ALDH9A1: variants seen among roughly 807,000 people sequenced by gnomAD.
The protein encoded by ALDH9A1 is aldehyde dehydrogenase 9 family member A1.
ALDH9A1 carries 42 observed loss-of-function variants against 56.6 expected under a neutral mutation model. That is an observed-to-expected ratio of 0.74 (90% confidence interval 0.58 to 0.96). ALDH9A1 has a LOEUF of 0.96. ALDH9A1 is among the 40% of genes least tolerant of loss of function. ALDH9A1 has a pLI of 0.00. For synonymous variants in ALDH9A1, 242 were observed against 236.0 expected (o/e 1.03, Z -0.23); for missense variants, 661 against 651.5 (o/e 1.01, Z -0.16).
chr1:165,665,724 A>G (rs1475220518), intron 9 of ALDH9A1, among the ~76,000 whole-genome samples: 1 of 152,220 alleles, frequency 6.6e-6, no homozygotes, highest in East Asian at 1.9e-4. Context: ...CTTCACACCC[A>G]CAAGGATGGC....
intron 8 of ALDH9A1, 121 bp downstream of exon 8, chr1:165,668,802 GGTA>G (rs1649084146): frequency 1.4e-6 from 1 of 707,240 alleles, no homozygotes; most frequent in Non-Finnish European, 2.3e-6. Flanking sequence ...CTTAAACTTG[GGTA>G]GTAGGACCAC....
At chr1:165,671,235 T>C (rs1649169289) in intron 6 of ALDH9A1, 1 of 211,480 alleles carries the variant, frequency 4.7e-6, no homozygotes, top group African/African-American at 2.3e-5. Flanking sequence ...ATGTTCCTTT[T>C]GCTGCCTGAC....
At chr1:165,687,052 G>A (rs1649731619) in intron 2 of ALDH9A1, among the ~76,000 whole-genome samples, 4 of 152,110 alleles carry the variant, frequency 2.6e-5, no homozygotes, top group Admixed American at 2.6e-4. Flanking sequence ...TACACTAGAT[G>A]AGATTAACAG....
At chr1:165,686,020 C>A (rs1649697301) in intron 2 of ALDH9A1, among the ~76,000 whole-genome samples, 1 of 151,998 alleles carries the variant, frequency 6.6e-6, no homozygotes, top group South Asian at 2.1e-4. Context: ...GTATAAGTAC[C>A]AAAGGATTCA....
intron 2 of ALDH9A1, among the ~76,000 whole-genome samples, chr1:165,686,435 G>C (rs1185746924): frequency 6.6e-6 from 1 of 151,772 alleles, no homozygotes; most frequent in Non-Finnish European, 1.5e-5. Flanking sequence ...CCAGAAATCT[G>C]CAGATTCCCC....
chr1:165,663,925 T>C (rs1255428918), intron 10 of ALDH9A1, among the ~76,000 whole-genome samples: 1 of 152,232 alleles, frequency 6.6e-6, no homozygotes, highest in East Asian at 1.9e-4. Flanking sequence ...TTTCTCGCTC[T>C]CTCATTCCAC....
chr1:165,673,890 T>C (rs940296975), intron 6 of ALDH9A1, among the ~76,000 whole-genome samples: 2 of 152,152 alleles, frequency 1.3e-5, no homozygotes, highest in African/African-American at 2.4e-5. Context: ...TGGGACGTAC[T>C]GGACTGCATT....
intron 2 of ALDH9A1, among the ~76,000 whole-genome samples, chr1:165,690,148 A>G (rs1056598869): frequency 6.8e-6 from 1 of 146,502 alleles, no homozygotes; most frequent in African/African-American, 2.5e-5. Context: ...ATTATATATT[A>G]TTCTATGTGT....
In ALDH9A1 at chr1:165,682,214, G is replaced by A. The variant is rs760770069; in HGVS notation, c.485C>T (p.Ser162Leu). 3.0e-5 allele frequency: 49 copies of A among 1,613,706 alleles called. No individual in the cohort carries two copies. The highest frequency in any genetic ancestry group is 3.5e-5 in the Non-Finnish European group (41 of 1,179,822). Residue 162 changes from serine to leucine, a missense_variant, in exon 4 of 11, where the codon TCG becomes TTG. By Grantham distance (145) the Ser-to-Leu change is moderately radical (BLOSUM62 -2). Coordinates refer to ENST00000354775, the MANE Select transcript of ALDH9A1 (RefSeq NM_000696.4). ...TGGTTCTCTTCTGGTATAACCAAAC[G>A]ATCCACCTGGGAGCTGGATGTGTTC... ...AGEHIQLPGG[S>L]FGYTRREPLG...
At chr1:165,671,685 C>A in intron 6 of ALDH9A1, 1 of 465,222 alleles carries the variant, frequency 2.1e-6, no homozygotes. Flanking sequence ...GTCCTCTCTC[C>A]CAACTGGAAA....
At chr1:165,680,289 A>G (rs1430238512) in intron 5 of ALDH9A1, among the ~76,000 whole-genome samples, 198 bp downstream of exon 5, 1 of 152,132 alleles carries the variant, frequency 6.6e-6, no homozygotes, top group Non-Finnish European at 1.5e-5. Context: ...CCTAACACAA[A>G]TCACCCCATG....
At chr1:165,675,229 C>T (rs1649312722) in intron 6 of ALDH9A1, among the ~76,000 whole-genome samples, 1 of 149,702 alleles carries the variant, frequency 6.7e-6, no homozygotes, top group South Asian at 2.1e-4. Flanking sequence ...ATTCACATTA[C>T]GTCACAATTA....
intron 5 of ALDH9A1, among the ~76,000 whole-genome samples, 174 bp from the exon 6 acceptor site, chr1:165,679,756 G>A (rs1324511934): frequency 6.6e-6 from 1 of 152,164 alleles, no homozygotes; most frequent in Non-Finnish European, 1.5e-5. Context: ...GAAAACTGAA[G>A]AGAATCCACA....
At chr1:165,685,262 G>A (rs1558009751) in intron 2 of ALDH9A1, among the ~76,000 whole-genome samples, 3 of 152,130 alleles carry the variant, frequency 2.0e-5, no homozygotes, top group African/African-American at 7.2e-5. Context: ...GAAGCCAAGA[G>A]TAGGTCCCTC....
At chr1:165,685,254 A>G (rs142252161) in intron 2 of ALDH9A1, among the ~76,000 whole-genome samples, 6 of 152,176 alleles carry the variant, frequency 3.9e-5, no homozygotes, top group Non-Finnish European at 5.9e-5. Context: ...AAAGATTAGA[A>G]GCCAAGAGTA....
intron 8 of ALDH9A1, among the ~76,000 whole-genome samples, chr1:165,667,775 G>A (rs1372241507): frequency 6.6e-6 from 1 of 152,110 alleles, no homozygotes; most frequent in African/African-American, 2.4e-5. Context: ...GAGGATTAAA[G>A]GTTATATACT....
intron 6 of ALDH9A1, among the ~76,000 whole-genome samples, chr1:165,671,026 G>A (rs186830580): frequency 6.5e-4 from 99 of 152,330 alleles, no homozygotes; most frequent in Non-Finnish European, 1.2e-4. Flanking sequence ...AGCCGAGATC[G>A]TCCCATTGCA....
intron 9 of ALDH9A1, among the ~76,000 whole-genome samples, chr1:165,666,541 G>A (rs183843949): frequency 5.6e-4 from 85 of 152,240 alleles, no homozygotes; most frequent in Admixed American, 9.8e-4. Context: ...CAAATCAAAA[G>A]AGCAGCTCCT....
At chr1:165,680,449 A>G in intron 5 of ALDH9A1, 38 bp downstream of exon 5, 3 of 1,600,402 alleles carry the variant, frequency 1.9e-6, no homozygotes, top group African/African-American at 1.3e-5. Context: ...CCACATCCAA[A>G]TGCCATGTGT....
Sources: gnomAD v4.1 joint callset for allele counts (sites outside exome capture counted in the v4.1 genomes callset) on GRCh38, gnomAD v4.1.1 for gene constraint, MANE v1.5 for transcripts, NCBI Gene and HGNC (gene_info 2026-07-23, HGNC 2026-07-21) for gene names.